INTU: variants seen among roughly 807,000 people sequenced by gnomAD.
INTU encodes inturned planar cell polarity protein.
In INTU, 68 loss-of-function variants were observed where a neutral mutation model predicts 100.5. That is an observed-to-expected ratio of 0.68 (90% confidence interval 0.56 to 0.83). INTU has a LOEUF of 0.83. INTU is among the 40% of genes least tolerant of loss of function. The pLI, the probability that INTU is intolerant of heterozygous loss-of-function variation, is 0.00. For synonymous variants in INTU, 357 were observed against 395.7 expected, an observed-to-expected ratio of 0.90 and a Z score of 1.16; for missense variants, 1,071 against 1,114.7, an observed-to-expected ratio of 0.96 and a Z score of 0.56.
At chr4:127,682,610 G>T (rs1273351772) in intron 6 of INTU, among the ~76,000 whole-genome samples, 1 of 107,622 alleles carries the variant, frequency 9.3e-6, no homozygotes, top group Admixed American at 1.2e-4. Flanking sequence ...TGGGGGGAGG[G>T]GGGAGGGATA....
intron 1 of INTU, among the ~76,000 whole-genome samples, chr4:127,636,035 G>A (rs146827099): frequency 1.8e-4 from 27 of 152,144 alleles, no homozygotes; most frequent in South Asian, 6.2e-4. Context: ...GGGAGCCAAC[G>A]CAGGAGCATT....
At chr4:127,689,865 C>T (rs996399260) in intron 8 of INTU, among the ~76,000 whole-genome samples, 5 of 152,170 alleles carry the variant, frequency 3.3e-5, no homozygotes. Flanking sequence ...GTTCCAAAGA[C>T]TGTCTCATGC....
chr4:127,633,446 G>C (rs970186632), intron 1 of INTU, among the ~76,000 whole-genome samples: 1 of 151,882 alleles, frequency 6.6e-6, no homozygotes, highest in Non-Finnish European at 1.5e-5. Context: ...CCTCTTTTTG[G>C]TCATGGGCTC....
At chr4:127,694,120 T>C (rs1419216781) in intron 8 of INTU, among the ~76,000 whole-genome samples, 1 of 152,120 alleles carries the variant, frequency 6.6e-6, no homozygotes, top group African/African-American at 2.4e-5. Flanking sequence ...TTTTTCTGTC[T>C]TTCAGAATAG....
At chr4:127,664,781 C>T (rs1339967242) in intron 4 of INTU, among the ~76,000 whole-genome samples, 1 of 151,858 alleles carries the variant, frequency 6.6e-6, no homozygotes, top group Non-Finnish European at 1.5e-5. Flanking sequence ...TACACGCAGC[C>T]TGTTTCCAAT....
rs1403840974 is a variant in INTU at position 127,706,709 on chromosome 4, T to C, written c.2011T>C (p.Leu671=). Residue 671 remains leucine, a synonymous_variant, in exon 12 of 16, where the codon TTG becomes CTG. Transcript: ENST00000335251. ...TGGATCACGTGAAAAAACAGATAGC[T>C]TGACCACTTCGCCTATTCTCAGTAG... ...LTGSREKTDS[L]TTSPILSRLQ... The C allele has an allele frequency of 1.2e-6, 2 of 1,614,106 alleles. No individual in the cohort carries two copies. The highest frequency in any genetic ancestry group is 4.5e-5 in the East Asian group (2 of 44,884).
chr4:127,643,911 C>T lies in INTU; in HGVS notation c.537C>T (p.Leu179=). The T allele has an allele frequency of 6.2e-7, 1 of 1,614,130 alleles. No homozygotes were observed. The highest frequency in any genetic ancestry group is 8.5e-7 in the Non-Finnish European group (1 of 1,180,018). Residue 179 remains leucine, a synonymous_variant, in exon 2 of 16, where the codon CTC becomes CTT. Transcript: ENST00000335251. ...KLTVIKAKEQ[L]KLLEVLVGII... ...CTGTTATCAAAGCCAAAGAGCAGCT[C>T]AAGCTTCTGGAAGTGCTGGTTGGAA...
chr4:127,700,381 G>T (rs2148726047), intron 9 of INTU, among the ~76,000 whole-genome samples: 1 of 152,252 alleles, frequency 6.6e-6, no homozygotes, highest in Non-Finnish European at 1.5e-5. Context: ...TACTTAAATT[G>T]GAAGTGTCAA....
chr4:127,704,126 G>A, intron 9 of INTU, 102 bp from the exon 10 acceptor site: 2 of 913,426 alleles, frequency 2.2e-6, no homozygotes. Context: ...GAAAAGTTTA[G>A]TTACTAAAGA....
chr4:127,645,008 G>A (rs1340826120), intron 2 of INTU, among the ~76,000 whole-genome samples: 2 of 152,158 alleles, frequency 1.3e-5, no homozygotes, highest in African/African-American at 2.4e-5. Flanking sequence ...TGGAAGAGAC[G>A]GGTTACAGAT....
Position 127,683,636 on chromosome 4 carries a change from A to T in INTU, c.1182-773A>T, listed in dbSNP as rs114157950. On this transcript the variant is annotated intron_variant, in intron 6 of 15. Coordinates refer to ENST00000335251, the MANE Select transcript of INTU (RefSeq NM_015693.4). ...TCCCACAGAATTTAGGGTGGGGCAC[A>T]TGATCGAGGGACATGTGTTTTCAGA... Among the ~76,000 whole-genome samples the T allele has an allele frequency of 6.8e-3, 1,040 of 152,268 alleles. 12 individuals carry two copies. Among genetic ancestry groups the T allele is most frequent in the African/African-American group, 0.024 (995 of 41,570 alleles).
At position 127,693,346 on chromosome 4, in the gene INTU, G is replaced by A. The variant is rs549315809; in HGVS notation, c.1449+5479G>A. ...ATTTTTTTGCAGCTATTGTGAAAGG[G>A]GTTGAGTTCTTGATTTGATTCTCAG... On this transcript the variant is annotated intron_variant, in intron 8 of 15. Coordinates refer to ENST00000335251, the MANE Select transcript of INTU (RefSeq NM_015693.4). Among the ~76,000 whole-genome samples, 43 of 152,144 alleles carry A rather than the reference G, an allele frequency of 2.8e-4. No individual in the cohort carries two copies. The Middle Eastern group carries it at 0.024, about 84-fold the overall frequency.
intron 6 of INTU, among the ~76,000 whole-genome samples, chr4:127,678,127 G>A (rs1729322696): frequency 6.6e-6 from 1 of 152,202 alleles, no homozygotes; most frequent in African/African-American, 2.4e-5. Flanking sequence ...ACGTCTGATT[G>A]GTGTACCTGA....
At chr4:127,680,329 G>C (rs1233803425) in intron 6 of INTU, among the ~76,000 whole-genome samples, 1 of 150,036 alleles carries the variant, frequency 6.7e-6, no homozygotes, top group Non-Finnish European at 1.5e-5. Flanking sequence ...CAATATCCTT[G>C]ATGAACATTG....
chr4:127,695,663 T>C (rs1730351333), intron 8 of INTU, among the ~76,000 whole-genome samples: 1 of 152,208 alleles, frequency 6.6e-6, no homozygotes, highest in South Asian at 2.1e-4. Context: ...AAAGACAGTT[T>C]ATTTCTTCCT....
Position 127,719,671 on chromosome 4 carries a change from G to A in INTU, c.*3235G>A, listed in dbSNP as rs894137069. 1 of 152,086 alleles carries A rather than the reference G, an allele frequency of 6.6e-6. No homozygotes were observed. Among genetic ancestry groups the A allele is most frequent in the Non-Finnish European group, 1.5e-5 (1 of 68,006 alleles). 9.4% of individuals were successfully genotyped at this position (152,086 alleles called of 1,614,324 possible). On this transcript the variant is annotated 3_prime_UTR_variant, in exon 16 of 16. Coordinates refer to ENST00000335251, the MANE Select transcript of INTU (RefSeq NM_015693.4). ...GCCTCAATTTCAGAACTTGTTATTGGTCTATTCAGTGATTCAACTTCTTCC... is the reference window on the plus strand; with the variant it reads ...GCCTCAATTTCAGAACTTGTTATTGATCTATTCAGTGATTCAACTTCTTCC...
At chr4:127,701,721 G>A (rs1244692627) in intron 9 of INTU, among the ~76,000 whole-genome samples, 1 of 152,046 alleles carries the variant, frequency 6.6e-6, no homozygotes, top group Non-Finnish European at 1.5e-5. Context: ...GGCTATACAG[G>A]AACTAATTAT....
chr4:127,682,585 G>A (rs2126225637), intron 6 of INTU, among the ~76,000 whole-genome samples: 1 of 130,294 alleles, frequency 7.7e-6, no homozygotes, highest in South Asian at 2.6e-4. Context: ...TCACACTCTG[G>A]GGACTTTTGT....
intron 5 of INTU, among the ~76,000 whole-genome samples, chr4:127,670,559 G>C (rs1011353230): frequency 6.6e-6 from 1 of 151,774 alleles, no homozygotes; most frequent in Admixed American, 6.6e-5. Flanking sequence ...TCTTTATTGA[G>C]ATATAGTACA....
Sources: gnomAD v4.1 joint callset for allele counts (sites outside exome capture counted in the v4.1 genomes callset) on GRCh38, gnomAD v4.1.1 for gene constraint, MANE v1.5 for transcripts, NCBI Gene and HGNC (gene_info 2026-07-23, HGNC 2026-07-21) for gene names.